The following ICA1L variants were observed in gnomAD, a reference collection of about 807,000 sequenced individuals.
ICA1L encodes islet cell autoantigen 1 like.
ICA1L carries 50 observed loss-of-function variants against 61.3 expected under a neutral mutation model. The observed-to-expected ratio is 0.82, with a 90% CI of 0.65 to 1.03. The LOEUF (loss-of-function observed/expected upper bound fraction) is 1.03. ICA1L is among the 50% of genes least tolerant of loss of function. ICA1L has a pLI of 0.00. For synonymous variants in ICA1L, 161 were observed against 191.3 expected, an observed-to-expected ratio of 0.84 and a Z score of 1.31; for missense variants, 508 against 556.7, an observed-to-expected ratio of 0.91 and a Z score of 0.88.
At chr2:202,828,403 A>G (rs1423009976) in intron 2 of ICA1L, among the ~76,000 whole-genome samples, 1 of 152,200 alleles carries the variant, frequency 6.6e-6, no homozygotes, top group Non-Finnish European at 1.5e-5. Context: ...AAAAGGCATT[A>G]GGAAATATTT....
intron 1 of ICA1L, chr2:202,841,521 TGTTGG>T: frequency 1.4e-6 from 1 of 731,464 alleles, no homozygotes; most frequent in South Asian, 1.4e-5. Flanking sequence ...ACGGCCTGGA[TGTTGG>T]GTTCCACCTC....
At chr2:202,804,095 G>A (rs184642170) in intron 9 of ICA1L, among the ~76,000 whole-genome samples, 2 of 152,228 alleles carry the variant, frequency 1.3e-5, no homozygotes, top group African/African-American at 2.4e-5. Context: ...TCACAGGCAC[G>A]TAGTACATTC....
intron 9 of ICA1L, among the ~76,000 whole-genome samples, chr2:202,802,586 TC>T (rs1181494740): frequency 6.6e-6 from 1 of 151,014 alleles, no homozygotes; most frequent in African/African-American, 2.4e-5. Context: ...AAAGAGCATA[TC>T]CTAAAAACGG....
At chr2:202,843,026 T>C (rs1384119965) in intron 1 of ICA1L, among the ~76,000 whole-genome samples, 1 of 152,228 alleles carries the variant, frequency 6.6e-6, no homozygotes, top group Non-Finnish European at 1.5e-5. Flanking sequence ...ATTTTGGTCA[T>C]CTATTGTTTT....
At chr2:202,839,228 C>A (rs898137791) in intron 1 of ICA1L, among the ~76,000 whole-genome samples, 1 of 151,924 alleles carries the variant, frequency 6.6e-6, no homozygotes, top group South Asian at 2.1e-4. Flanking sequence ...TGGCTGGGCG[C>A]GGTGGCTCAA....
chr2:202,811,831 T>C (rs1693388218), intron 8 of ICA1L, 42 bp from the exon 9 acceptor site: 1 of 1,400,416 alleles, frequency 7.1e-7, no homozygotes, highest in Non-Finnish European at 1.0e-6. Flanking sequence ...TTTGTTATAA[T>C]ACACTTGTGA....
At chr2:202,814,658 C>T (rs1489104116) in intron 8 of ICA1L, 44 bp downstream of exon 8, 1 of 1,248,394 alleles carries the variant, frequency 8.0e-7, no homozygotes, top group East Asian at 2.3e-5. Context: ...ATGATGGTAT[C>T]CAGGACTTCT....
At chr2:202,841,038 A>G in intron 1 of ICA1L, 1 of 658,782 alleles carries the variant, frequency 1.5e-6, no homozygotes, top group Non-Finnish European at 2.9e-6. Flanking sequence ...GCTGTTGTTC[A>G]TGCACAGCAC....
chr2:202,820,967 A>G (rs1693685386), intron 4 of ICA1L, among the ~76,000 whole-genome samples: 1 of 152,220 alleles, frequency 6.6e-6, no homozygotes, highest in South Asian at 2.1e-4. Flanking sequence ...TCTTCTACTT[A>G]AAAAGTACCA....
chr2:202,790,845 A>ATT (rs1692725790), intron 10 of ICA1L, among the ~76,000 whole-genome samples: 1 of 152,168 alleles, frequency 6.6e-6, no homozygotes, highest in African/African-American at 2.4e-5. Context: ...TGACACTCAG[A>ATT]AAGAAGTATG....
chr2:202,806,672 A>G (rs1363475100), intron 9 of ICA1L, among the ~76,000 whole-genome samples: 1 of 151,960 alleles, frequency 6.6e-6, no homozygotes, highest in Non-Finnish European at 1.5e-5. Context: ...AGAAAAGGTA[A>G]AAAAAAGAAA....
intron 1 of ICA1L, among the ~76,000 whole-genome samples, chr2:202,859,845 TCA>T (rs968384887): frequency 1.3e-5 from 2 of 152,230 alleles, no homozygotes; most frequent in Admixed American, 1.3e-4. Flanking sequence ...TTAAACATTT[TCA>T]CACATTTTAT....
chr2:202,830,239 C>G (rs576301622), intron 1 of ICA1L, among the ~76,000 whole-genome samples: 3 of 152,074 alleles, frequency 2.0e-5, no homozygotes, highest in Admixed American at 6.5e-5. Flanking sequence ...GAAACCCTGT[C>G]TCTACTAAAA....
Position 202,819,846 on chromosome 2 carries a change from CTGAA to C in ICA1L, c.409_412del (p.Phe137ValfsTer9). 3 of 1,614,152 alleles carry C rather than the reference CTGAA, an allele frequency of 1.9e-6. No homozygotes were observed. The highest frequency in any genetic ancestry group is 1.7e-6 in the Non-Finnish European group (2 of 1,180,020). On this transcript the variant is annotated frameshift_variant, in exon 5 of 13. Coordinates refer to ENST00000358299, the MANE Select transcript of ICA1L (RefSeq NM_001288622.3). LOFTEE classifies it high-confidence loss of function. ...CAAGGTATCAGATACTGCCCTTTGACTGAATGTTGCTACTTCTTGCTTCAGACGA... is the reference window on the plus strand; with the variant it reads ...CAAGGTATCAGATACTGCCCTTTGACTGTTGCTACTTCTTGCTTCAGACGA...
At chr2:202,792,978 C>G (rs1160460490) in intron 10 of ICA1L, among the ~76,000 whole-genome samples, 1 of 152,096 alleles carries the variant, frequency 6.6e-6, no homozygotes, top group Non-Finnish European at 1.5e-5. Flanking sequence ...TACTAATTAC[C>G]TACGGCTTGG....
intron 1 of ICA1L, among the ~76,000 whole-genome samples, chr2:202,864,627 A>ATGTGTG (rs566451955): frequency 4.0e-5 from 6 of 150,396 alleles, no homozygotes; most frequent in East Asian, 1.9e-4. Flanking sequence ...GTATATATAT[A>ATGTGTG]TGTGTGTGTG....
intron 1 of ICA1L, among the ~76,000 whole-genome samples, chr2:202,846,190 T>C (rs1216023520): frequency 6.6e-6 from 1 of 152,162 alleles, no homozygotes; most frequent in Non-Finnish European, 1.5e-5. Flanking sequence ...ATAACTATTA[T>C]TATTATAAAA....
intron 2 of ICA1L, among the ~76,000 whole-genome samples, chr2:202,826,636 T>C (rs181687003): frequency 9.9e-4 from 151 of 152,294 alleles, no homozygotes; most frequent in African/African-American, 3.5e-3. Flanking sequence ...CGTGCCCAGC[T>C]AATTTTTGTA....
intron 1 of ICA1L, among the ~76,000 whole-genome samples, chr2:202,863,661 A>T (rs1687357431): frequency 6.6e-6 from 1 of 151,836 alleles, no homozygotes; most frequent in African/African-American, 2.4e-5. Flanking sequence ...CGTCTCTACT[A>T]AAAAAATTAC....
Sources: allele counts gnomAD v4.1 joint callset (sites outside exome capture counted in the v4.1 genomes callset), GRCh38; gene constraint gnomAD v4.1.1; transcripts MANE v1.5; gene names NCBI Gene and HGNC (gene_info 2026-07-23, HGNC 2026-07-21).